SLC25A3: variants seen among roughly 807,000 people sequenced by gnomAD.
SLC25A3 encodes the protein solute carrier family 25 member 3.
In SLC25A3, 14 loss-of-function variants were observed where a neutral mutation model predicts 37.1. The observed-to-expected ratio is 0.38, with a 90% CI of 0.25 to 0.59. The LOEUF is 0.59. Among genes scored for constraint, SLC25A3 ranks in the 20% least tolerant of loss-of-function variants. The pLI, the probability that SLC25A3 is intolerant of heterozygous loss-of-function variation, is 0.67. For missense variants in SLC25A3, 385 were observed against 458.1 expected, an observed-to-expected ratio of 0.84 and a Z score of 1.46; for synonymous variants, 161 against 168.7, an observed-to-expected ratio of 0.95 and a Z score of 0.36.
intron 1 of SLC25A3, 107 bp from the exon 2 acceptor site, chr12:98,593,868 A>G (rs1447330003): frequency 1.5e-6 from 2 of 1,303,854 alleles, no homozygotes; most frequent in East Asian, 2.5e-5. Flanking sequence ...TGACCTCTTC[A>G]AGGGCGTGGA....
chr12:98,595,228 C>A (rs2097591932), intron 2 of SLC25A3: 1 of 589,128 alleles, frequency 1.7e-6, no homozygotes, highest in Non-Finnish European at 3.0e-6. Context: ...AGAATACGAG[C>A]TATTAATAGT....
chr12:98,603,134 A>G lies in SLC25A3; in HGVS notation c.*1606A>G, dbSNP rs1180825036. On this transcript the variant is annotated 3_prime_UTR_variant, in exon 8 of 8. Coordinates refer to ENST00000552981, the MANE Select transcript of SLC25A3 (RefSeq NM_002635.4). ...TATCAACTGTATATTATTTCTTGCT[A>G]TGTTAGCAAAGCATCCAAAGATCAA... The G allele has an allele frequency of 1.3e-5, 2 of 152,216 alleles. No individual in the cohort carries two copies. Among genetic ancestry groups the G allele is most frequent in the South Asian group, 2.1e-4 (1 of 4,832 alleles). The allele number at this position is 152,216 out of a possible 1,614,324, so 9.4% of individuals were successfully genotyped here.
Position 98,604,378 on chromosome 12 carries a change from A to C in SLC25A3, c.*2850A>C, listed in dbSNP as rs2097600106. On this transcript the variant is annotated 3_prime_UTR_variant, in exon 8 of 8. Coordinates refer to ENST00000552981, the MANE Select transcript of SLC25A3 (RefSeq NM_002635.4). ...ATCAAATATTTTGAGAGTGGTTAAAACGCCAAGGAATCCTGATTTTATGAA... is the reference window on the plus strand; with the variant it reads ...ATCAAATATTTTGAGAGTGGTTAAACCGCCAAGGAATCCTGATTTTATGAA... 4.6e-5 allele frequency: 7 copies of C among 151,846 alleles called. No homozygotes were observed. The highest frequency in any genetic ancestry group is 4.6e-4 in the Admixed American group (7 of 15,238). The allele number at this position is 151,846 out of a possible 1,614,324, so 9.4% of individuals were successfully genotyped here. A position where few individuals can be genotyped will look rare whatever the true frequency, so the allele number is the denominator to read the frequency against.
In SLC25A3 at chr12:98,605,476, G is replaced by A. The variant is rs1173317053; in HGVS notation, c.*3948G>A. On this transcript the variant is annotated 3_prime_UTR_variant, in exon 8 of 8. Transcript: ENST00000552981. ...GTCCATAATGTTAATGAAGCGCATA[G>A]CAGTCACTAGTAAATTAGGAGTTAT... 1 of 152,022 alleles carries A rather than the reference G, an allele frequency of 6.6e-6. No individual in the cohort carries two copies. Among genetic ancestry groups the A allele is most frequent in the Non-Finnish European group, 1.5e-5 (1 of 68,018 alleles). The allele number at this position is 152,022 out of a possible 1,614,324, so 9.4% of individuals were successfully genotyped here.
rs573155106 is a variant in SLC25A3 at position 98,594,057 on chromosome 12, G to C, written c.79G>C (p.Gly27Arg). 3 of 1,613,032 alleles carry C rather than the reference G, an allele frequency of 1.9e-6. No individual in the cohort carries two copies. Among genetic ancestry groups the C allele is most frequent in the African/African-American group, 2.7e-5 (2 of 74,914 alleles). Residue 27 changes from glycine to arginine, a missense_variant, in exon 2 of 8, where the codon GGG becomes CGG. Physicochemically the swap from Gly to Arg is moderately radical, Grantham distance 125. Transcript: ENST00000552981. ...TCTGCAGCTGGTGCACGATGGTCTC[G>C]GGGACCTCCGCAGCAGCTCCCCAGG... is the stretch of plus-strand genomic sequence containing the variant. The part of the protein sequence containing the change: ...PHLQLVHDGL[G>R]DLRSSSPGPT...
rs542602103 is a variant in SLC25A3, at chr12:98,593,707, C to T, written c.-38C>T. The T allele has an allele frequency of 2.5e-5, 14 of 552,880 alleles. No individual in the cohort carries two copies. Among genetic ancestry groups the T allele is most frequent in the African/African-American group, 7.6e-5 (4 of 52,886 alleles). 34.2% of individuals were successfully genotyped at this position (552,880 alleles called of 1,614,324 possible). ...CGGCCTCTGTGAGCCGCAACCTTTC[C>T]AAGGGAGTGGTTGTGTGATCGCCAT... On this transcript the variant is annotated 5_prime_UTR_variant, in exon 1 of 8. Coordinates refer to ENST00000552981, the MANE Select transcript of SLC25A3 (RefSeq NM_002635.4).
rs2097597460 is a variant in SLC25A3 at position 98,601,053 on chromosome 12, A to G, written c.815-118A>G. 3 of 1,155,434 alleles carry G rather than the reference A, an allele frequency of 2.6e-6. 1 individual carries two copies. In the South Asian group the frequency reaches 4.1e-5, roughly 16 times the overall value. The allele number at this position is 1,155,434 out of a possible 1,614,324, so 71.6% of individuals were successfully genotyped here. A position where few individuals can be genotyped will look rare whatever the true frequency, so the allele number is the denominator to read the frequency against. On this transcript the variant is annotated intron_variant, in intron 6 of 7. Transcript: ENST00000552981. ...TGATAACTGTACCCGTGTCACCCTG[A>G]GTCTGATTTTTATTTTAGAACTAGA... is the stretch of plus-strand genomic sequence containing the variant.
At chr12:98,593,824 C>T (rs1217923268) in intron 1 of SLC25A3, 84 bp downstream of exon 1, 3 of 828,976 alleles carry the variant, frequency 3.6e-6, no homozygotes, top group South Asian at 1.5e-5. Context: ...TGGCGGTGGG[C>T]CCAGCCGGGA....
At position 98,595,420 on chromosome 12, in the gene SLC25A3, T is replaced by C. The variant is rs756813185; in HGVS notation, c.158-307T>C. The C allele has an allele frequency of 3.1e-6, 5 of 1,612,522 alleles. No homozygotes were observed. The highest frequency in any genetic ancestry group is 1.3e-5 in the African/African-American group (1 of 74,998). On this transcript the variant is annotated intron_variant, in intron 2 of 7. Transcript: ENST00000552981. ...GAAATACTTACTTGATTTTTTTTTTTCCAATCAAACAGAGCAGTATAGCTG... is the reference window on the plus strand; with the variant it reads ...GAAATACTTACTTGATTTTTTTTTTCCCAATCAAACAGAGCAGTATAGCTG...
At chr12:98,595,942 A>C in intron 3 of SLC25A3, 94 bp downstream of exon 3, 1 of 1,144,070 alleles carries the variant, frequency 8.7e-7, no homozygotes, top group Non-Finnish European at 1.3e-6. Context: ...CACAACTGCT[A>C]GAAACTTCAG....
chr12:98,597,394 A>G (rs1050857926), intron 3 of SLC25A3, among the ~76,000 whole-genome samples: 1 of 151,990 alleles, frequency 6.6e-6, no homozygotes, highest in Non-Finnish European at 1.5e-5. Context: ...GAACTCTTGG[A>G]TAAGGGAGAG....
chr12:98,594,503 C>A, intron 2 of SLC25A3: 1 of 605,472 alleles, frequency 1.7e-6, no homozygotes. Context: ...AACTATATTA[C>A]CTGTCCTTTG....
At chr12:98,594,381 G>A (rs979887545) in intron 2 of SLC25A3, 1 of 700,296 alleles carries the variant, frequency 1.4e-6, no homozygotes, top group Non-Finnish European at 2.6e-6. Flanking sequence ...CCGTGTGCCC[G>A]AGGGAAGAGA....
chr12:98,595,426 C>CA, intron 2 of SLC25A3: 1 of 1,611,138 alleles, frequency 6.2e-7, no homozygotes, highest in Non-Finnish European at 8.5e-7. Context: ...TTTTTCCAAT[C>CA]AAACAGAGCA....
At position 98,605,664 on chromosome 12, in the gene SLC25A3, A is replaced by G. The variant is rs1244385425; in HGVS notation, c.*4136A>G. ...GAAACCCCAGGTCTCTACTAAAAAT[A>G]CAAAAATTGGTCAGGCATGGTGGTG... On this transcript the variant is annotated 3_prime_UTR_variant, in exon 8 of 8. Transcript: ENST00000552981. 6.6e-6 allele frequency: 1 copy of G among 152,008 alleles called. No individual in the cohort carries two copies. The highest frequency in any genetic ancestry group is 1.5e-5 in the Non-Finnish European group (1 of 68,014). The allele number at this position is 152,008 out of a possible 1,614,324, so 9.4% of individuals were successfully genotyped here.
rs954107800 is a variant in SLC25A3, at chr12:98,594,256, G to T, written c.157+121G>T. 3 of 861,504 alleles carry T rather than the reference G, an allele frequency of 3.5e-6. No homozygotes were observed. In the African/African-American group the frequency reaches 5.0e-5, roughly 14 times the overall value. 53.4% of individuals were successfully genotyped at this position (861,504 alleles called of 1,614,324 possible). ...AGTCCAGCCCGCTGCACCGTAGGAC[G>T]GCGCCCAGTTGCTTGCCCTGGGGTA... is the stretch of plus-strand genomic sequence containing the variant. On this transcript the variant is annotated intron_variant, in intron 2 of 7. Coordinates refer to ENST00000552981, the MANE Select transcript of SLC25A3 (RefSeq NM_002635.4).
rs777666652 is a variant in SLC25A3 at position 98,597,844 on chromosome 12, T to C, written c.280-12T>C. The C allele has an allele frequency of 6.2e-7, 1 of 1,611,032 alleles. No homozygotes were observed. Among genetic ancestry groups the C allele is most frequent in the South Asian group, 1.1e-5 (1 of 90,754 alleles). ...GGTGCATTTAATTTTTTTTTTCTTG[T>C]TTTAAATAAAGGTGGACCCCCAAAA... On this transcript the variant is annotated splice_polypyrimidine_tract_variant and intron_variant, in intron 3 of 7. Coordinates refer to ENST00000552981, the MANE Select transcript of SLC25A3 (RefSeq NM_002635.4).
chr12:98,597,559 G>A, intron 3 of SLC25A3: 2 of 361,408 alleles, frequency 5.5e-6, no homozygotes, highest in South Asian at 4.6e-5. Flanking sequence ...GAGTAGCTGG[G>A]ATTACAGGTG....
chr12:98,596,002 T>C (rs1400227076), intron 3 of SLC25A3, among the ~76,000 whole-genome samples, 154 bp downstream of exon 3: 1 of 152,230 alleles, frequency 6.6e-6, no homozygotes, highest in Admixed American at 6.5e-5. Context: ...TTTTGACTAG[T>C]GTTTTAAATC....
Sources: allele counts gnomAD v4.1 joint callset (sites outside exome capture counted in the v4.1 genomes callset), GRCh38; gene constraint gnomAD v4.1.1; transcripts MANE v1.5; gene names NCBI Gene and HGNC (gene_info 2026-07-23, HGNC 2026-07-21).